The following CHRM3 variants were observed in gnomAD, a reference collection of about 807,000 sequenced individuals.
CHRM3 encodes the protein muscarinic acetylcholine receptor M3.
In CHRM3, 11 loss-of-function variants were observed where a neutral mutation model predicts 41.8. The ratio of observed to expected loss-of-function variants is 0.26; its 90% CI spans 0.17 to 0.44. The LOEUF (loss-of-function observed/expected upper bound fraction) is 0.44. Among genes scored for constraint, CHRM3 ranks in the 20% least tolerant of loss-of-function variants. CHRM3 has a pLI of 1.00. For synonymous variants in CHRM3, 297 were observed against 301.4 expected (o/e 0.99, Z 0.15); for missense variants, 571 against 745.4 (o/e 0.77, Z 2.72).
chr1:239,865,912 G>A (rs904800444), intron 6 of CHRM3, among the ~76,000 whole-genome samples: 3 of 152,176 alleles, frequency 2.0e-5, no homozygotes, highest in Non-Finnish European at 4.4e-5. Flanking sequence ...CCAGGACAGA[G>A]TAGGGAGGGG....
intron 3 of CHRM3, among the ~76,000 whole-genome samples, chr1:239,547,403 G>A (rs1368115011): frequency 6.6e-6 from 1 of 152,190 alleles, no homozygotes; most frequent in East Asian, 1.9e-4. Flanking sequence ...ATATGGACGA[G>A]TGTTTGGGAG....
intron 2 of CHRM3, among the ~76,000 whole-genome samples, chr1:239,520,169 T>A (rs1179391174): frequency 6.6e-6 from 1 of 152,196 alleles, no homozygotes; most frequent in Non-Finnish European, 1.5e-5. Flanking sequence ...AGTATTCTTA[T>A]ACCCAAGAAA....
intron 5 of CHRM3, among the ~76,000 whole-genome samples, chr1:239,696,349 A>G (rs540721433): frequency 6.6e-6 from 1 of 152,324 alleles, no homozygotes; most frequent in African/African-American, 2.4e-5. Flanking sequence ...GTAAAGTACT[A>G]TAAAAATTTG....
chr1:239,654,641 C>T (rs977289707), intron 4 of CHRM3, among the ~76,000 whole-genome samples: 14 of 152,130 alleles, frequency 9.2e-5, no homozygotes, highest in African/African-American at 2.4e-4. Flanking sequence ...TCAGGTAATC[C>T]GCCCTCCTTG....
chr1:239,525,690 T>G (rs1443250265), intron 2 of CHRM3, among the ~76,000 whole-genome samples: 12 of 152,248 alleles, frequency 7.9e-5, no homozygotes, highest in Non-Finnish European at 1.5e-4. Context: ...ATTTTTTTAT[T>G]TTAATGCTTA....
intron 6 of CHRM3, among the ~76,000 whole-genome samples, chr1:239,896,844 C>A (rs1468997466): frequency 6.6e-6 from 1 of 152,174 alleles, no homozygotes; most frequent in African/African-American, 2.4e-5. Context: ...AGGGCAGAGT[C>A]ACCCTGGGTT....
intron 4 of CHRM3, among the ~76,000 whole-genome samples, chr1:239,659,438 T>C (rs1672997077): frequency 6.6e-6 from 1 of 152,166 alleles, no homozygotes; most frequent in South Asian, 2.1e-4. Flanking sequence ...CCTTCACAGA[T>C]GCATCCCTAG....
intron 5 of CHRM3, among the ~76,000 whole-genome samples, chr1:239,716,650 T>G (rs147193195): frequency 3.2e-4 from 48 of 151,962 alleles, no homozygotes; most frequent in African/African-American, 1.1e-3. Context: ...ATTTTTAATT[T>G]GGTAATAAGG....
intron 3 of CHRM3, among the ~76,000 whole-genome samples, chr1:239,621,770 C>A (rs1668384818): frequency 6.6e-6 from 1 of 152,160 alleles, no homozygotes; most frequent in Non-Finnish European, 1.5e-5. Flanking sequence ...AGGACAAAAG[C>A]TGTCTATATA....
chr1:239,594,508 T>A (rs1455568379), intron 3 of CHRM3, among the ~76,000 whole-genome samples: 1 of 152,212 alleles, frequency 6.6e-6, no homozygotes, highest in African/African-American at 2.4e-5. Context: ...TGTCACAGAA[T>A]CAAGTTGTCA....
chr1:239,412,851 C>T (rs751365922), intron 1 of CHRM3, among the ~76,000 whole-genome samples: 6 of 151,756 alleles, frequency 4.0e-5, no homozygotes, highest in East Asian at 3.9e-4. Context: ...GAGGTCGAGG[C>T]GGGCAGATTA....
intron 3 of CHRM3, among the ~76,000 whole-genome samples, chr1:239,572,725 T>C (rs1252873287): frequency 6.6e-6 from 1 of 152,210 alleles, no homozygotes; most frequent in African/African-American, 2.4e-5. Flanking sequence ...AGTTAAGTAA[T>C]AGTGACACTA....
At chr1:239,407,147 A>G (rs889097165) in intron 1 of CHRM3, among the ~76,000 whole-genome samples, 3 of 152,068 alleles carry the variant, frequency 2.0e-5, no homozygotes, top group Non-Finnish European at 2.9e-5. Context: ...TCTGTTTGAA[A>G]TGATCTTTTT....
At chr1:239,493,865 G>A (rs1667713165) in intron 2 of CHRM3, among the ~76,000 whole-genome samples, 1 of 152,066 alleles carries the variant, frequency 6.6e-6, no homozygotes, top group South Asian at 2.1e-4. Context: ...CTCAAAATTG[G>A]GGCTTAGCCC....
chr1:239,615,010 A>T (rs1303615922), intron 3 of CHRM3, among the ~76,000 whole-genome samples: 3 of 152,212 alleles, frequency 2.0e-5, no homozygotes, highest in Admixed American at 6.5e-5. Context: ...ATTATACTCA[A>T]ATAAAAAGCA....
intron 1 of CHRM3, among the ~76,000 whole-genome samples, chr1:239,436,456 C>A (rs1188973851): frequency 6.6e-6 from 1 of 151,976 alleles, no homozygotes; most frequent in South Asian, 2.1e-4. Context: ...TCTGGCTGCC[C>A]CTACCCCCAA....
chr1:239,472,252 G>A (rs1435801008), intron 1 of CHRM3, among the ~76,000 whole-genome samples: 1 of 152,088 alleles, frequency 6.6e-6, no homozygotes, highest in Non-Finnish European at 1.5e-5. Flanking sequence ...CTCAAGTATA[G>A]GTACTGAGAA....
In CHRM3 at chr1:239,914,406, C is replaced by T. The variant is rs1293876270; in HGVS notation, c.*5182C>T. 2 of 167,018 alleles carry T rather than the reference C, an allele frequency of 1.2e-5. No homozygotes were observed. The highest frequency in any genetic ancestry group is 4.8e-5 in the African/African-American group (2 of 41,416). 10.3% of individuals were successfully genotyped at this position (167,018 alleles called of 1,614,324 possible). A position where few individuals can be genotyped will look rare whatever the true frequency, so the allele number is the denominator to read the frequency against. The stretch of plus-strand genomic sequence containing the variant: ...TGCACATCAATGTCCCATGCTGCTA[C>T]TGTAGTCAGGAGTTATTTGGCTGGG... On this transcript the variant is annotated 3_prime_UTR_variant, in exon 7 of 7. Transcript: ENST00000676153.
chr1:239,871,328 G>A (rs548869447), intron 6 of CHRM3, among the ~76,000 whole-genome samples: 27 of 152,218 alleles, frequency 1.8e-4, no homozygotes, highest in African/African-American at 6.3e-4. Context: ...TGCAACCTCT[G>A]CTTCCTGGGT....
Sources: allele counts gnomAD v4.1 joint callset (sites outside exome capture counted in the v4.1 genomes callset), GRCh38; gene constraint gnomAD v4.1.1; transcripts MANE v1.5; gene names NCBI Gene and HGNC (gene_info 2026-07-23, HGNC 2026-07-21).